GARRE1: variants seen among roughly 807,000 people sequenced by gnomAD.
The protein encoded by GARRE1 is granule associated Rac and RHOG effector protein 1.
A neutral mutation model predicts 103.2 loss-of-function variants in GARRE1; 49 were observed. The observed-to-expected ratio is 0.47, with a 90% confidence interval of 0.38 to 0.60. GARRE1 has a LOEUF of 0.60. Among genes scored for constraint, GARRE1 ranks in the 20% least tolerant of loss-of-function variants. The pLI is 0.00. For synonymous variants in GARRE1, 505 were observed against 532.8 expected, an observed-to-expected ratio of 0.95 and a Z score of 0.72; for missense variants, 1,199 against 1,370.5, an observed-to-expected ratio of 0.87 and a Z score of 1.98.
chr19:34,278,326 C>T (rs1011314833), intron 1 of GARRE1, among the ~76,000 whole-genome samples: 8 of 151,650 alleles, frequency 5.3e-5, no homozygotes, highest in Middle Eastern at 3.2e-3. Flanking sequence ...AGCCTGCAGT[C>T]CCAGCTACTT....
intron 1 of GARRE1, among the ~76,000 whole-genome samples, chr19:34,271,539 C>T (rs1450188464): frequency 1.3e-5 from 2 of 151,932 alleles, no homozygotes; most frequent in Non-Finnish European, 2.9e-5. Flanking sequence ...TGAGCCACCA[C>T]GCCCGGCCCC....
intron 1 of GARRE1, among the ~76,000 whole-genome samples, chr19:34,295,902 C>A (rs192520197): frequency 6.6e-6 from 1 of 152,146 alleles, no homozygotes; most frequent in African/African-American, 2.4e-5. Flanking sequence ...TGTCCCATCA[C>A]CATTTATTGA....
Position 34,335,030 on chromosome 19 carries a change from G to A in GARRE1, c.1361+1229G>A, listed in dbSNP as rs1413772045. ...TGCACTCCAGCCTGGGTGACAGAGC[G>A]AGACTCCGTCTCCAAGAAAAAAAAA... is the stretch of plus-strand genomic sequence containing the variant. On this transcript the variant is annotated intron_variant, in intron 8 of 13. Coordinates refer to ENST00000299505, the MANE Select transcript of GARRE1 (RefSeq NM_014686.5). Among the ~76,000 whole-genome samples, 4 of 151,440 alleles carry A rather than the reference G, an allele frequency of 2.6e-5. No homozygotes were observed. The East Asian group carries it at 7.7e-4, about 29-fold the overall frequency.
intron 2 of GARRE1, among the ~76,000 whole-genome samples, chr19:34,311,871 A>G (rs1032915009): frequency 1.3e-5 from 2 of 152,340 alleles, no homozygotes; most frequent in East Asian, 3.9e-4. Context: ...CTGGCCTCCC[A>G]AAGTGCTGGG....
intron 12 of GARRE1, among the ~76,000 whole-genome samples, chr19:34,350,434 C>G (rs982844955): frequency 6.6e-6 from 1 of 152,224 alleles, no homozygotes; most frequent in Non-Finnish European, 1.5e-5. Context: ...ACCATCTCTG[C>G]AGAGACTGTT....
intron 2 of GARRE1, among the ~76,000 whole-genome samples, chr19:34,303,009 T>G (rs2073988688): frequency 6.6e-6 from 1 of 152,120 alleles, no homozygotes. Context: ...CCTTCCAAAG[T>G]GCTAGGATTA....
intron 1 of GARRE1, among the ~76,000 whole-genome samples, chr19:34,258,789 C>CA (rs5827898): frequency 0.49 from 70,637 of 144,186 alleles, 19,975 homozygotes; most frequent in Non-Finnish European, 0.64. Flanking sequence ...GACTCCGTCT[C>CA]AAAAAAAAAA....
rs983126506 is a variant in GARRE1 at position 34,264,499 on chromosome 19, C to T, written c.-796+9885C>T. 4.6e-5 allele frequency among the ~76,000 whole-genome samples: 7 copies of T among 152,012 alleles called. No individual in the cohort carries two copies. The East Asian group carries it at 7.8e-4, about 17-fold the overall frequency. ...CTGCAAGCTCTGCCTCCCCGGTTCACGCCATTCTCCTGCCTCAGCCTCCTG... is the reference window on the plus strand; with the variant it reads ...CTGCAAGCTCTGCCTCCCCGGTTCATGCCATTCTCCTGCCTCAGCCTCCTG... On this transcript the variant is annotated intron_variant, in intron 1 of 13. Transcript: ENST00000299505.
intron 1 of GARRE1, among the ~76,000 whole-genome samples, chr19:34,280,203 A>G (rs1348069278): frequency 1.3e-5 from 2 of 152,106 alleles, no homozygotes; most frequent in Admixed American, 6.6e-5. Flanking sequence ...TTGAGTACAA[A>G]GGGGAAAATC....
intron 7 of GARRE1, among the ~76,000 whole-genome samples, chr19:34,331,233 A>G (rs1419856987): frequency 3.3e-5 from 5 of 152,066 alleles, no homozygotes; most frequent in African/African-American, 1.2e-4. Context: ...TACATTAGTA[A>G]CAAGTTGACA....
chr19:34,279,455 A>AT (rs1247983100), intron 1 of GARRE1, among the ~76,000 whole-genome samples: 298 of 144,260 alleles, frequency 2.1e-3, no homozygotes, highest in African/African-American at 6.6e-3. Flanking sequence ...ACGCCTGGCT[A>AT]TTTTTTTTTT....
At chr19:34,321,223 A>ATTTTTTT (rs71165648) in intron 3 of GARRE1, among the ~76,000 whole-genome samples, 2 of 77,376 alleles carry the variant, frequency 2.6e-5, no homozygotes, top group African/African-American at 4.2e-5. Flanking sequence ...AGCCCGGCTA[A>ATTTTTTT]TTTTTTTTTT....
chr19:34,254,924 C>T (rs971609461), intron 1 of GARRE1, among the ~76,000 whole-genome samples: 3 of 151,150 alleles, frequency 2.0e-5, no homozygotes, highest in African/African-American at 7.3e-5. Flanking sequence ...GGGTCGGCGC[C>T]CGTCAGGCGG....
At chr19:34,285,572 G>A (rs994318568) in intron 1 of GARRE1, among the ~76,000 whole-genome samples, 1 of 152,028 alleles carries the variant, frequency 6.6e-6, no homozygotes, top group Admixed American at 6.6e-5. Context: ...GCAGTGAGCC[G>A]AGATCGCACC....
intron 10 of GARRE1, among the ~76,000 whole-genome samples, chr19:34,344,373 G>A (rs2074200591): frequency 1.3e-5 from 2 of 151,946 alleles, no homozygotes; most frequent in African/African-American, 4.8e-5. Flanking sequence ...GGCGGATCAC[G>A]AGGTCAGGAG....
intron 7 of GARRE1, among the ~76,000 whole-genome samples, chr19:34,332,309 C>G (rs2074141454): frequency 6.6e-6 from 1 of 152,072 alleles, no homozygotes; most frequent in Non-Finnish European, 1.5e-5. Flanking sequence ...GTGGAAGAGC[C>G]CATTGGCTTT....
At chr19:34,339,659 G>A (rs1344649214) in intron 8 of GARRE1, among the ~76,000 whole-genome samples, 1 of 152,212 alleles carries the variant, frequency 6.6e-6, no homozygotes, top group Admixed American at 6.5e-5. Flanking sequence ...CTGATATCAT[G>A]AGACCTCAGA....
intron 8 of GARRE1, among the ~76,000 whole-genome samples, chr19:34,336,798 C>A (rs1344510444): frequency 1.3e-5 from 2 of 152,122 alleles, no homozygotes; most frequent in Non-Finnish European, 2.9e-5. Context: ...CCAATTCAGG[C>A]TGTCATTGGA....
At chr19:34,312,655 G>A (rs187942877) in intron 2 of GARRE1, among the ~76,000 whole-genome samples, 7 of 152,300 alleles carry the variant, frequency 4.6e-5, no homozygotes, top group African/African-American at 9.6e-5. Context: ...GGCCGGGCGC[G>A]GTGGCTCATG....
Sources: allele counts gnomAD v4.1 joint callset (sites outside exome capture counted in the v4.1 genomes callset), GRCh38; gene constraint gnomAD v4.1.1; transcripts MANE v1.5; gene names NCBI Gene and HGNC (gene_info 2026-07-23, HGNC 2026-07-21).